Variants in CACNA1C observed in about 807,000 individuals in gnomAD.
CACNA1C encodes calcium voltage-gated channel subunit alpha1 C, also known as voltage-dependent L-type calcium channel subunit alpha-1C.
In CACNA1C, 30 loss-of-function variants were observed where a neutral mutation model predicts 229.0. The observed-to-expected ratio is 0.13, with a 90% confidence interval of 0.10 to 0.18. The LOEUF (loss-of-function observed/expected upper bound fraction) is 0.18. Ranked by LOEUF, CACNA1C falls within the 10% of genes least tolerant of loss-of-function variation. The pLI is 1.00. For missense variants in CACNA1C, 1,658 were observed against 2,845.0 expected, an observed-to-expected ratio of 0.58 and a Z score of 9.49; for synonymous variants, 1,114 against 1,132.5, an observed-to-expected ratio of 0.98 and a Z score of 0.33.
chr12:2,384,166 C>T (rs1413387292), intron 3 of CACNA1C, among the ~76,000 whole-genome samples: 1 of 152,222 alleles, frequency 6.6e-6, no homozygotes, highest in African/African-American at 2.4e-5. Context: ...CTGTTGCACT[C>T]AAGTTTTCTC....
Position 2,463,539 on chromosome 12 carries a change from G to C in CACNA1C, c.757+5833G>C, listed in dbSNP as rs536575889. ...TGCAATGTGATGAATTCTGTGACAAGCCATGCATTGGGGACACCATACTTT... is the reference window on the plus strand; with the variant it reads ...TGCAATGTGATGAATTCTGTGACAACCCATGCATTGGGGACACCATACTTT... On this transcript the variant is annotated intron_variant, in intron 5 of 46. Transcript: ENST00000399655. 2.0e-5 allele frequency among the ~76,000 whole-genome samples: 3 copies of C among 152,334 alleles called. No homozygotes were observed. The East Asian group carries it at 5.8e-4, about 29-fold the overall frequency.
chr12:2,626,924 C>G (rs751335494), intron 29 of CACNA1C, among the ~76,000 whole-genome samples: 3 of 152,140 alleles, frequency 2.0e-5, no homozygotes, highest in Admixed American at 2.0e-4. Context: ...AATAAATGGA[C>G]GAAGGCCTTC....
chr12:2,675,726 C>T (rs185937632), intron 39 of CACNA1C, among the ~76,000 whole-genome samples: 11 of 152,256 alleles, frequency 7.2e-5, no homozygotes, highest in East Asian at 1.9e-4. Context: ...AATTATGTTC[C>T]GAGCCCAGAG....
chr12:2,438,681 G>A (rs191647760), intron 3 of CACNA1C, among the ~76,000 whole-genome samples: 53 of 152,162 alleles, frequency 3.5e-4, no homozygotes, highest in African/African-American at 1.1e-3. Flanking sequence ...ATGCTAAGGA[G>A]GCTAGATCCC....
At chr12:2,038,953 G>A (rs2049622882) in intron 1 of CACNA1C, among the ~76,000 whole-genome samples, 1 of 151,286 alleles carries the variant, frequency 6.6e-6, no homozygotes, top group African/African-American at 2.4e-5. Flanking sequence ...GCTGGGAAGT[G>A]GAAATTGATA....
At chr12:2,042,607 C>T (rs1300084062) in intron 1 of CACNA1C, among the ~76,000 whole-genome samples, 1 of 152,190 alleles carries the variant, frequency 6.6e-6, no homozygotes, top group Non-Finnish European at 1.5e-5. Context: ...GGGGCATTCA[C>T]ACCACAGGGA....
chr12:2,526,590 T>G (rs1258199360), intron 9 of CACNA1C, among the ~76,000 whole-genome samples: 1 of 152,226 alleles, frequency 6.6e-6, no homozygotes, highest in Non-Finnish European at 1.5e-5. Context: ...TGCACCCAGT[T>G]TGATTCACCA....
intron 1 of CACNA1C, chr12:2,020,500 G>A (rs1181572035): frequency 1.3e-5 from 2 of 152,116 alleles, no homozygotes; most frequent in Non-Finnish European, 2.9e-5. Context: ...AAGAATAAAG[G>A]AATAAAAATA....
At position 2,057,408 on chromosome 12, in the gene CACNA1C, T is replaced by G. The variant is rs1029630537; in HGVS notation, c.49+3797T>G. The stretch of plus-strand genomic sequence containing the variant: ...TTCCAGTAGGTGGCGCCACAGGGCT[T>G]AGGAGTCAGGAAAGGGGCTTCAGGG... On this transcript the variant is annotated intron_variant, in intron 1 of 46. Transcript: ENST00000399655. Among the ~76,000 whole-genome samples the G allele has an allele frequency of 2.6e-5, 4 of 152,262 alleles. No individual in the cohort carries two copies. The East Asian group carries it at 7.7e-4, about 29-fold the overall frequency.
At chr12:2,409,299 A>C (rs1168586642) in intron 3 of CACNA1C, among the ~76,000 whole-genome samples, 1 of 152,110 alleles carries the variant, frequency 6.6e-6, no homozygotes, top group Non-Finnish European at 1.5e-5. Flanking sequence ...TCCTTCCCCT[A>C]GATGTTTAGC....
intron 3 of CACNA1C, among the ~76,000 whole-genome samples, chr12:2,374,727 C>G (rs2097986295): frequency 2.0e-5 from 3 of 152,238 alleles, no homozygotes; most frequent in Admixed American, 2.0e-4. Context: ...TAGGTGATAA[C>G]CACTGCTGCA....
At position 2,348,540 on chromosome 12, in the gene CACNA1C, G is replaced by A. The variant is rs889540175; in HGVS notation, c.478-100436G>A. Among the ~76,000 whole-genome samples the A allele has an allele frequency of 1.5e-4, 23 of 152,226 alleles. No homozygotes were observed. The highest frequency in any genetic ancestry group is 9.2e-4 in the Admixed American group (14 of 15,288). Reference sequence around the variant, plus strand: ...CCCCGAGGGAATGGGCTCATACGCCGGGTGGGCAAGGATTTCAAGTCGTCG... The same window carrying A: ...CCCCGAGGGAATGGGCTCATACGCCAGGTGGGCAAGGATTTCAAGTCGTCG... On this transcript the variant is annotated intron_variant, in intron 3 of 46. Coordinates refer to ENST00000399655, the MANE Select transcript of CACNA1C (RefSeq NM_000719.7). The surrounding 1 kb of genome is among the most constrained non-coding windows in gnomAD (Gnocchi z 4.7).
chr12:2,624,672 A>C (rs947195943), intron 29 of CACNA1C, among the ~76,000 whole-genome samples: 3 of 152,144 alleles, frequency 2.0e-5, no homozygotes, highest in Non-Finnish European at 4.4e-5. Flanking sequence ...TGTATACTCC[A>C]TGTCCCTACA....
At chr12:2,194,720 G>C (rs995159915) in intron 3 of CACNA1C, among the ~76,000 whole-genome samples, 10 of 152,028 alleles carry the variant, frequency 6.6e-5, no homozygotes, top group Non-Finnish European at 1.3e-4. Context: ...CCAGCAGCTC[G>C]ATCCATCTTC....
intron 1 of CACNA1C, chr12:1,993,083 C>G (rs761461992): frequency 1.2e-6 from 1 of 836,874 alleles, no homozygotes; most frequent in Admixed American, 1.8e-5. Context: ...TAAACTCTTC[C>G]AAGGAAGAAT....
intron 3 of CACNA1C, among the ~76,000 whole-genome samples, chr12:2,137,390 G>C (rs983113459): frequency 6.6e-6 from 1 of 150,954 alleles, no homozygotes; most frequent in African/African-American, 2.4e-5. Context: ...GCTCCGCCCA[G>C]CTCTACCAAA....
intron 13 of CACNA1C, among the ~76,000 whole-genome samples, chr12:2,578,755 C>T (rs1180730310): frequency 2.0e-5 from 3 of 152,134 alleles, no homozygotes; most frequent in Non-Finnish European, 4.4e-5. Context: ...AGAGCACGAA[C>T]CCGGTGTTGT....
chr12:2,546,235 A>C (rs993946105), intron 9 of CACNA1C, among the ~76,000 whole-genome samples: 1 of 152,084 alleles, frequency 6.6e-6, no homozygotes, highest in African/African-American at 2.4e-5. Flanking sequence ...TATTCTGTGC[A>C]GTTGCTGGTG....
intron 3 of CACNA1C, among the ~76,000 whole-genome samples, chr12:2,330,252 G>A (rs2096499252): frequency 6.6e-6 from 1 of 152,198 alleles, no homozygotes; most frequent in South Asian, 2.1e-4. Flanking sequence ...GAGATGCCGG[G>A]GAAGACCTGC....
Sources: allele counts gnomAD v4.1 joint callset (sites outside exome capture counted in the v4.1 genomes callset), GRCh38; gene constraint gnomAD v4.1.1; non-coding constraint Gnocchi (gnomAD v3.1); transcripts MANE v1.5; gene names NCBI Gene and HGNC (gene_info 2026-07-23, HGNC 2026-07-21).